ST3GAL3: variants seen among roughly 807,000 people sequenced by gnomAD.
The protein encoded by ST3GAL3 is ST3 beta-galactoside alpha-2,3-sialyltransferase 3.
Under a neutral mutation model 50.1 loss-of-function variants are expected in ST3GAL3, and 21 were observed. The ratio of observed to expected loss-of-function variants is 0.42; its 90% confidence interval spans 0.30 to 0.60. The LOEUF is 0.60. Among genes scored for constraint, ST3GAL3 ranks in the 20% least tolerant of loss-of-function variants. ST3GAL3 has a pLI of 0.19. For missense variants in ST3GAL3, 353 were observed against 489.4 expected, an observed-to-expected ratio of 0.72 and a Z score of 2.63; for synonymous variants, 183 against 190.0, an observed-to-expected ratio of 0.96 and a Z score of 0.30.
intron 2 of ST3GAL3, among the ~76,000 whole-genome samples, chr1:43,769,639 G>T (rs1694337762): frequency 6.6e-6 from 1 of 152,168 alleles, no homozygotes; most frequent in African/African-American, 2.4e-5. Flanking sequence ...ACCCCGTGAA[G>T]GTGCTGGACT....
chr1:43,914,080 G>C (rs2081378692), intron 9 of ST3GAL3: 1 of 152,260 alleles, frequency 6.6e-6, no homozygotes, highest in South Asian at 2.1e-4. Flanking sequence ...AAGATGAGAA[G>C]AGACGTGGCA....
At chr1:43,840,750 C>T (rs2906471) in intron 5 of ST3GAL3, 84,563 of 151,954 alleles carry the variant, frequency 0.56, 26,773 homozygotes, top group Non-Finnish European at 0.72. Context: ...AGCTGGCCGA[C>T]GCTTAGGAAA....
At chr1:43,927,761 A>G (rs1304241323) in intron 11 of ST3GAL3, among the ~76,000 whole-genome samples, 2 of 152,150 alleles carry the variant, frequency 1.3e-5, no homozygotes, top group Non-Finnish European at 2.9e-5. Flanking sequence ...GGGATCTGCA[A>G]TGAGGAGGGG....
chr1:43,818,951 T>G (rs1205414983), intron 4 of ST3GAL3, among the ~76,000 whole-genome samples: 1 of 152,168 alleles, frequency 6.6e-6, no homozygotes, highest in Non-Finnish European at 1.5e-5. Context: ...ATGGTAAATA[T>G]TTTAGGATTT....
At chr1:43,719,754 G>A (rs577416437) in intron 1 of ST3GAL3, among the ~76,000 whole-genome samples, 85 of 151,510 alleles carry the variant, frequency 5.6e-4, no homozygotes, top group African/African-American at 2.0e-3. Flanking sequence ...CCAACATGGC[G>A]AAAGCCCGTC....
chr1:43,729,084 T>G (rs1674397901), intron 1 of ST3GAL3, among the ~76,000 whole-genome samples: 2 of 120,600 alleles, frequency 1.7e-5, no homozygotes, highest in South Asian at 5.2e-4. Flanking sequence ...GAGACAATTA[T>G]TTTTCTTTTT....
intron 1 of ST3GAL3, among the ~76,000 whole-genome samples, chr1:43,713,599 C>T (rs888600601): frequency 3.4e-5 from 5 of 146,330 alleles, no homozygotes; most frequent in Non-Finnish European, 3.0e-5. Flanking sequence ...GATATGATCA[C>T]GATTCACTGC....
chr1:43,859,396 C>G (rs367896172), intron 5 of ST3GAL3, among the ~76,000 whole-genome samples: 1 of 152,008 alleles, frequency 6.6e-6, no homozygotes, highest in Non-Finnish European at 1.5e-5. Context: ...CCCATCTCTA[C>G]CAAAAATACA....
Position 43,830,812 on chromosome 1 carries a change from A to G in ST3GAL3, c.210-7407A>G, listed in dbSNP as rs190406824. ...CTTGACCTCCCTGCCCAATAGGCAT[A>G]CATTTATGGACAGCCAGTTGAATGA... On this transcript the variant is annotated intron_variant, in intron 4 of 11. Coordinates refer to ENST00000347631, the MANE Select transcript of ST3GAL3 (RefSeq NM_006279.5). 2.6e-5 allele frequency among the ~76,000 whole-genome samples: 4 copies of G among 152,356 alleles called. No homozygotes were observed. The East Asian group carries it at 7.7e-4, about 29-fold the overall frequency.
intron 5 of ST3GAL3, among the ~76,000 whole-genome samples, chr1:43,846,365 C>T (rs983394489): frequency 2.6e-5 from 4 of 152,020 alleles, no homozygotes; most frequent in African/African-American, 9.7e-5. Flanking sequence ...TATTGATAGT[C>T]AAATAATTAT....
chr1:43,927,196 G>A (rs558620268), intron 11 of ST3GAL3, among the ~76,000 whole-genome samples: 4 of 152,162 alleles, frequency 2.6e-5, no homozygotes, highest in South Asian at 2.1e-4. Flanking sequence ...GTGGTGGTGC[G>A]TGCCTGTAAT....
chr1:43,719,020 GT>G (rs1388751321), intron 1 of ST3GAL3: 5 of 152,172 alleles, frequency 3.3e-5, no homozygotes, highest in Admixed American at 6.6e-5. Context: ...TACCTGGCCA[GT>G]GACAAAGTAT....
chr1:43,743,502 G>T, intron 2 of ST3GAL3: 1 of 425,460 alleles, frequency 2.4e-6, no homozygotes, highest in Non-Finnish European at 4.7e-6. Flanking sequence ...AGGTGGTGGG[G>T]CAGATTGGTT....
At chr1:43,710,461 AC>A (rs1202642865) in intron 1 of ST3GAL3, among the ~76,000 whole-genome samples, 1 of 151,976 alleles carries the variant, frequency 6.6e-6, no homozygotes, top group Non-Finnish European at 1.5e-5. Context: ...TACCACAGAA[AC>A]CCCCTAACAT....
In ST3GAL3 at chr1:43,899,448, C is replaced by T. The variant is rs2077904896; in HGVS notation, c.558-93C>T. 1.9e-6 allele frequency: 3 copies of T among 1,586,556 alleles called. No homozygotes were observed. The highest frequency in any genetic ancestry group is 1.3e-5 in the African/African-American group (1 of 74,436). On this transcript the variant is annotated intron_variant, in intron 8 of 11. Transcript: ENST00000347631. This position sits in a 1 kb window ranked among gnomAD's most constrained non-coding sequence, Gnocchi z 5.4. ...CCTGGGGAGAATAGGTCCAGGTGAC[C>T]TGGACTCCCTATTCTCCATGCCTGG...
rs1255599678 is a variant in ST3GAL3 at position 43,736,287 on chromosome 1, A to C, written c.25A>C (p.Asn9His). 7 of 1,614,064 alleles carry C rather than the reference A, an allele frequency of 4.3e-6. No homozygotes were observed. Among genetic ancestry groups the C allele is most frequent in the Non-Finnish European group, 5.9e-6 (7 of 1,180,032 alleles). Residue 9 changes from asparagine to histidine, a missense_variant, in exon 2 of 12, where the codon AAT becomes CAT. Asn to His is a moderately conservative substitution (Grantham distance 68, BLOSUM62 1). Coordinates refer to ENST00000347631, the MANE Select transcript of ST3GAL3 (RefSeq NM_006279.5). ...GATGGGACTCTTGGTATTTGTGCGCAATCTGCTGCTAGCCCTCTGCCTCTT... is the reference window on the plus strand; with the variant it reads ...GATGGGACTCTTGGTATTTGTGCGCCATCTGCTGCTAGCCCTCTGCCTCTT... The part of the protein sequence containing the change: MGLLVFVR[N>H]LLLALCLFLV...
intron 5 of ST3GAL3, among the ~76,000 whole-genome samples, chr1:43,853,772 G>T (rs1404952666): frequency 6.6e-6 from 1 of 152,184 alleles, no homozygotes; most frequent in Non-Finnish European, 1.5e-5. Flanking sequence ...TCATTGCTAT[G>T]GTCCAAGCTG....
intron 3 of ST3GAL3, among the ~76,000 whole-genome samples, chr1:43,800,840 A>C (rs1435905308): frequency 2.0e-5 from 3 of 152,114 alleles, no homozygotes; most frequent in Non-Finnish European, 4.4e-5. Flanking sequence ...TTCTTCCTCC[A>C]CCCAAGCCAT....
At chr1:43,798,779 T>C (rs964059488) in intron 3 of ST3GAL3, among the ~76,000 whole-genome samples, 4 of 152,214 alleles carry the variant, frequency 2.6e-5, no homozygotes, top group Admixed American at 2.6e-4. Context: ...AAATGTAGGC[T>C]TCATTTTGGC....
Sources: allele counts gnomAD v4.1 joint callset (sites outside exome capture counted in the v4.1 genomes callset), GRCh38; gene constraint gnomAD v4.1.1; non-coding constraint Gnocchi (gnomAD v3.1); transcripts MANE v1.5; gene names NCBI Gene and HGNC (gene_info 2026-07-23, HGNC 2026-07-21).